ADAMTSL1: variants seen among roughly 807,000 people sequenced by gnomAD.
ADAMTSL1 encodes the protein ADAMTS like 1.
A neutral mutation model predicts 201.8 loss-of-function variants in ADAMTSL1; 126 were observed. That is an observed-to-expected ratio of 0.62 (90% confidence interval 0.54 to 0.72). The LOEUF (loss-of-function observed/expected upper bound fraction) is 0.72, where lower values mean the gene tolerates loss of function less well. Ranked by LOEUF, ADAMTSL1 falls within the 30% of genes least tolerant of loss-of-function variation. The pLI, the probability that ADAMTSL1 is intolerant of heterozygous loss-of-function variation, is 0.00. For synonymous variants in ADAMTSL1, 1,121 were observed against 903.4 expected (o/e 1.24, Z -4.32); for missense variants, 2,679 against 2,277.8 (o/e 1.18, Z -3.59).
intron 14 of ADAMTSL1, 148 bp from the exon 15 acceptor site, chr9:18,721,388 G>A: frequency 1.8e-6 from 2 of 1,127,970 alleles, no homozygotes; most frequent in Admixed American, 2.3e-5. Flanking sequence ...AAGATTGGCA[G>A]TCCTGGGCTT....
At chr9:18,561,414 C>A (rs1446678083) in intron 3 of ADAMTSL1, among the ~76,000 whole-genome samples, 1 of 152,082 alleles carries the variant, frequency 6.6e-6, no homozygotes, top group Non-Finnish European at 1.5e-5. Flanking sequence ...GATTTCTGTT[C>A]TTTTGCATTT....
intron 13 of ADAMTSL1, among the ~76,000 whole-genome samples, chr9:18,688,114 G>GTA (rs1830949462): frequency 1.1e-5 from 1 of 90,142 alleles, no homozygotes; most frequent in Non-Finnish European, 2.5e-5. Context: ...ATATATGTAT[G>GTA]TATGTATATA....
chr9:18,359,769 T>C (rs1220708414), intron 2 of ADAMTSL1, among the ~76,000 whole-genome samples: 1 of 150,754 alleles, frequency 6.6e-6, no homozygotes, highest in Non-Finnish European at 1.5e-5. Flanking sequence ...CTTATTAAAG[T>C]GTTGGCATTA....
At chr9:18,612,865 G>A (rs1188151937) in intron 4 of ADAMTSL1, among the ~76,000 whole-genome samples, 1 of 152,122 alleles carries the variant, frequency 6.6e-6, no homozygotes, top group Non-Finnish European at 1.5e-5. Flanking sequence ...ATTGACAAAT[G>A]GGATCTAATT....
At chr9:18,007,742 T>A (rs116449998) in intron 1 of ADAMTSL1, among the ~76,000 whole-genome samples, 281 of 152,010 alleles carry the variant, frequency 1.8e-3, no homozygotes, top group African/African-American at 6.4e-3. Flanking sequence ...CTAAATGTTC[T>A]GATGTTCAAA....
At chr9:18,085,558 TGTGTGTATAC>T (rs1823721943) in intron 1 of ADAMTSL1, among the ~76,000 whole-genome samples, 3 of 122,412 alleles carry the variant, frequency 2.5e-5, no homozygotes, top group African/African-American at 6.6e-5. Flanking sequence ...ACATACACAC[TGTGTGTATAC>T]ATATATACAC....
At chr9:18,853,918 T>TGTGTGCGCGCGC (rs139332733) in intron 23 of ADAMTSL1, among the ~76,000 whole-genome samples, 2 of 145,380 alleles carry the variant, frequency 1.4e-5, no homozygotes, top group African/African-American at 5.0e-5. Context: ...TGTGTGTGTG[T>TGTGTGCGCGCGC]GCGCGTGCAT....
chr9:18,124,699 G>A (rs1453430638), intron 1 of ADAMTSL1, among the ~76,000 whole-genome samples: 1 of 152,088 alleles, frequency 6.6e-6, no homozygotes, highest in African/African-American at 2.4e-5. Context: ...ATTTCTGAGT[G>A]TTCAAGATGA....
intron 1 of ADAMTSL1, among the ~76,000 whole-genome samples, chr9:18,080,998 A>C (rs1233027384): frequency 6.6e-6 from 1 of 152,246 alleles, no homozygotes; most frequent in Admixed American, 6.5e-5. Context: ...ATCTGGTGAT[A>C]CAATGCCAAC....
At chr9:18,440,315 A>T (rs1244227821) in intron 2 of ADAMTSL1, among the ~76,000 whole-genome samples, 1 of 152,156 alleles carries the variant, frequency 6.6e-6, no homozygotes, top group East Asian at 1.9e-4. Context: ...AACACCCACA[A>T]AAACAATAAC....
intron 15 of ADAMTSL1, chr9:18,723,532 G>A (rs1817676285): frequency 6.1e-6 from 1 of 164,478 alleles, no homozygotes; most frequent in African/African-American, 2.4e-5. Flanking sequence ...AGGTTATCCT[G>A]TGACCCTTTT....
At chr9:18,433,864 G>A (rs1405806538) in intron 2 of ADAMTSL1, among the ~76,000 whole-genome samples, 1 of 152,104 alleles carries the variant, frequency 6.6e-6, no homozygotes, top group Non-Finnish European at 1.5e-5. Flanking sequence ...ATAGAAAATG[G>A]AATTTCTACT....
intron 2 of ADAMTSL1, among the ~76,000 whole-genome samples, chr9:18,358,722 C>A (rs969897243): frequency 2.0e-5 from 3 of 152,102 alleles, no homozygotes; most frequent in African/African-American, 7.2e-5. Flanking sequence ...CCTTTTTATG[C>A]CTAAATAGTG....
chr9:18,781,826 G>T (rs1450463086), intron 19 of ADAMTSL1, among the ~76,000 whole-genome samples: 1 of 152,148 alleles, frequency 6.6e-6, no homozygotes, highest in African/African-American at 2.4e-5. Flanking sequence ...AGCAAGATAG[G>T]TCCAGGTCAG....
intron 16 of ADAMTSL1, among the ~76,000 whole-genome samples, chr9:18,762,560 T>G (rs1820136320): frequency 6.6e-6 from 1 of 152,116 alleles, no homozygotes; most frequent in African/African-American, 2.4e-5. Flanking sequence ...TTGACTATAG[T>G]CACCCTATTG....
intron 2 of ADAMTSL1, among the ~76,000 whole-genome samples, chr9:18,330,221 A>G (rs1240786504): frequency 1.3e-5 from 2 of 152,168 alleles, no homozygotes; most frequent in African/African-American, 4.8e-5. Context: ...ACCACTTGAC[A>G]CAGTTAAGTC....
intron 3 of ADAMTSL1, among the ~76,000 whole-genome samples, chr9:18,558,223 T>G (rs1045426304): frequency 6.6e-6 from 1 of 152,164 alleles, no homozygotes; most frequent in Non-Finnish European, 1.5e-5. Context: ...TGTGTTCTCA[T>G]TGTTCAACTC....
Position 18,662,014 on chromosome 9 carries a change from A to T in ADAMTSL1, c.1026A>T (p.Pro342=), listed in dbSNP as rs73433591. 1 of 1,614,120 alleles carries T rather than the reference A, an allele frequency of 6.2e-7. No homozygotes were observed. Among genetic ancestry groups the T allele is most frequent in the Non-Finnish European group, 8.5e-7 (1 of 1,179,962 alleles). Residue 342 remains proline (P), a synonymous_variant, in exon 9 of 29, where the codon CCA becomes CCT. Transcript: ENST00000380548. The part of the protein sequence containing the change: ...VVADQYCHYY[P]ENIKPKPKLQ... ...CTGACCAATACTGTCACTATTACCC[A>T]GAGAACATCAAACCCAAACCCAAGC...
chr9:18,366,950 A>G (rs1836794701), intron 2 of ADAMTSL1, among the ~76,000 whole-genome samples: 1 of 152,156 alleles, frequency 6.6e-6, no homozygotes, highest in African/African-American at 2.4e-5. Context: ...GAAAATAAAT[A>G]CTTATCTCTT....
Sources: allele counts gnomAD v4.1 joint callset (sites outside exome capture counted in the v4.1 genomes callset), GRCh38; gene constraint gnomAD v4.1.1; transcripts MANE v1.5; gene names NCBI Gene and HGNC (gene_info 2026-07-23, HGNC 2026-07-21).